The following OPCML variants were observed in gnomAD, a reference collection of about 807,000 sequenced individuals.
OPCML encodes the protein opioid binding protein/cell adhesion molecule like, also known as opioid-binding protein/cell adhesion molecule.
OPCML carries 13 observed loss-of-function variants against 37.8 expected under a neutral mutation model. The ratio of observed to expected loss-of-function variants is 0.34; its 90% CI spans 0.22 to 0.55. The LOEUF (loss-of-function observed/expected upper bound fraction) is 0.55. Among genes scored for constraint, OPCML ranks in the 20% least tolerant of loss-of-function variants. The probability of loss-of-function intolerance (pLI) is 0.91; values close to 1 mark genes in which losing one functional copy is unlikely to be tolerated. For synonymous variants in OPCML, 176 were observed against 168.8 expected (o/e 1.04, Z -0.33); for missense variants, 341 against 435.6 (o/e 0.78, Z 1.93).
chr11:133,140,757 A>C (rs62644102), intron 1 of OPCML, among the ~76,000 whole-genome samples: 40 of 62,948 alleles, frequency 6.4e-4, no homozygotes, highest in South Asian at 1.4e-3. Flanking sequence ...AGGAAGAAGA[A>C]GACGACGAAG....
chr11:133,163,166 T>C (rs1444047041), intron 1 of OPCML, among the ~76,000 whole-genome samples: 1 of 152,214 alleles, frequency 6.6e-6, no homozygotes, highest in African/African-American at 2.4e-5. Flanking sequence ...CTTACGAGCC[T>C]TGCCACTCTC....
chr11:133,261,629 C>T (rs1368972372), intron 1 of OPCML, among the ~76,000 whole-genome samples: 1 of 152,164 alleles, frequency 6.6e-6, no homozygotes, highest in African/African-American at 2.4e-5. Flanking sequence ...TGGGCTCTCA[C>T]CATTTTTGTT....
chr11:132,420,271 A>T lies in OPCML; in HGVS notation c.939T>A (p.Gly313=), dbSNP rs751096582. The T allele has an allele frequency of 6.2e-7, 1 of 1,613,858 alleles. No homozygotes were observed. The highest frequency in any genetic ancestry group is 1.7e-5 in the Admixed American group (1 of 60,014). ...TLYGPGAVID[G]VNSASRALAC... is the part of the protein sequence containing the mutation. ...CCAGTGCTCTGGAGGCCGAGTTTAC[A>T]CCATCAATGACTGCTCCAGGCCCTG... The change falls in exon 8 of 8, where the codon GGT becomes GGA. Residue 313 remains glycine, a synonymous_variant. Coordinates refer to ENST00000524381, the MANE Select transcript of OPCML (RefSeq NM_001012393.5).
chr11:132,580,941 AT>A (rs1259732167), intron 3 of OPCML, among the ~76,000 whole-genome samples: 1 of 152,128 alleles, frequency 6.6e-6, no homozygotes, highest in Non-Finnish European at 1.5e-5. Context: ...TGAGGGTAAG[AT>A]TTGATTAAAT....
chr11:133,045,261 AT>A (rs1465074406), intron 1 of OPCML, among the ~76,000 whole-genome samples: 2 of 152,246 alleles, frequency 1.3e-5, no homozygotes, highest in East Asian at 3.9e-4. Flanking sequence ...TCATGTCTGC[AT>A]TTTGTCCCCT....
In OPCML at chr11:132,687,369, CATATATATAT is replaced by C. The variant is rs56834972; in HGVS notation, c.147-30060_147-30051del. 5.4e-3 allele frequency among the ~76,000 whole-genome samples: 268 copies of C among 49,266 alleles called. 2 individuals are homozygous for C. Among genetic ancestry groups the C allele is most frequent in the Middle Eastern group, 0.014 (1 of 70 alleles). 32.3% of individuals were successfully genotyped at this position (49,266 alleles called of 152,430 possible). On this transcript the variant is annotated intron_variant, in intron 2 of 7. Coordinates refer to ENST00000524381, the MANE Select transcript of OPCML (RefSeq NM_001012393.5). ...ATATAAACTGCTCTGCCTTAAGCTACATATATATATATATATATATATATATATATATATA... is the reference window on the plus strand; with the variant it reads ...ATATAAACTGCTCTGCCTTAAGCTACATATATATATATATATATATATATA...
chr11:133,051,589 T>C (rs1425904076), intron 1 of OPCML, among the ~76,000 whole-genome samples: 1 of 152,062 alleles, frequency 6.6e-6, no homozygotes, highest in Non-Finnish European at 1.5e-5. Context: ...GGTTCACACA[T>C]CTCCCCAGCA....
At chr11:133,203,860 C>A (rs1285705031) in intron 1 of OPCML, among the ~76,000 whole-genome samples, 1 of 151,996 alleles carries the variant, frequency 6.6e-6, no homozygotes, top group Non-Finnish European at 1.5e-5. Flanking sequence ...AGATGGAGAC[C>A]ATCCTGGCTA....
At chr11:132,557,456 C>T (rs903515053) in intron 3 of OPCML, among the ~76,000 whole-genome samples, 1 of 152,188 alleles carries the variant, frequency 6.6e-6, no homozygotes, top group Non-Finnish European at 1.5e-5. Flanking sequence ...GCCCAACCCC[C>T]CTGCTCTGGA....
intron 1 of OPCML, among the ~76,000 whole-genome samples, chr11:133,207,270 A>C (rs928801693): frequency 1.3e-5 from 2 of 152,130 alleles, no homozygotes; most frequent in African/African-American, 4.8e-5. Context: ...ACTGCCCTCC[A>C]GCCTGGGCGA....
chr11:132,982,105 A>G (rs1946601269), intron 1 of OPCML, among the ~76,000 whole-genome samples: 1 of 152,064 alleles, frequency 6.6e-6, no homozygotes, highest in South Asian at 2.1e-4. Context: ...TGCTCTACTA[A>G]GATTTCCCCA....
rs147535298 is a variant in OPCML at position 133,152,371 on chromosome 11, G to T, written c.62-209361C>A. 1.9e-3 allele frequency among the ~76,000 whole-genome samples: 285 copies of T among 152,296 alleles called. 7 individuals carry two copies. In the East Asian group the frequency reaches 0.05, roughly 27 times the overall value. On this transcript the variant is annotated intron_variant, in intron 1 of 7. Coordinates refer to ENST00000524381, the MANE Select transcript of OPCML (RefSeq NM_001012393.5). ...CTGTGTGGCATTGTTTCATGTGAGT[G>T]CCCACTTCGTTATTTAAGAACTCGG...
intron 1 of OPCML, among the ~76,000 whole-genome samples, chr11:133,404,539 G>A (rs936190913): frequency 2.6e-5 from 4 of 152,180 alleles, no homozygotes; most frequent in Non-Finnish European, 4.4e-5. Flanking sequence ...AGACAGGGAA[G>A]GCTAAAGAGA....
intron 1 of OPCML, among the ~76,000 whole-genome samples, chr11:133,473,176 C>G (rs1006656269): frequency 6.6e-6 from 1 of 152,074 alleles, no homozygotes; most frequent in East Asian, 1.9e-4. Flanking sequence ...TTGACCTCCC[C>G]CTAAGGCAGG....
chr11:132,494,837 C>T (rs1283143325), intron 4 of OPCML, among the ~76,000 whole-genome samples: 1 of 152,208 alleles, frequency 6.6e-6, no homozygotes, highest in Non-Finnish European at 1.5e-5. Context: ...GGGAATGGAA[C>T]ATGACACCTG....
In OPCML at chr11:133,000,365, G is replaced by A. The variant is rs534646919; in HGVS notation, c.62-57355C>T. Among the ~76,000 whole-genome samples, 61 of 152,202 alleles carry A rather than the reference G, an allele frequency of 4.0e-4. No homozygotes were observed. In the South Asian group the frequency reaches 0.011, roughly 26 times the overall value. ...CGTCCTCAAGCGTTCAGCCTGCCTC[G>A]GCCTCTCAAAGTGCTGGGATTACAG... On this transcript the variant is annotated intron_variant, in intron 1 of 7. Coordinates refer to ENST00000524381, the MANE Select transcript of OPCML (RefSeq NM_001012393.5).
intron 3 of OPCML, among the ~76,000 whole-genome samples, chr11:132,638,163 C>CTGTATATATATATATATA (rs1940628849): frequency 7.8e-6 from 1 of 128,192 alleles, no homozygotes; most frequent in African/African-American, 2.7e-5. Flanking sequence ...TATATACAGA[C>CTGTATATATATATATATA]TATATATATA....
At chr11:132,753,616 A>C (rs1352470830) in intron 2 of OPCML, among the ~76,000 whole-genome samples, 1 of 152,186 alleles carries the variant, frequency 6.6e-6, no homozygotes, top group Admixed American at 6.5e-5. Context: ...ACAGACTTAC[A>C]TATACATATC....
intron 2 of OPCML, among the ~76,000 whole-genome samples, chr11:132,790,080 C>T (rs1937794793): frequency 6.6e-6 from 1 of 152,164 alleles, no homozygotes; most frequent in African/African-American, 2.4e-5. Flanking sequence ...ATCTAGCAAT[C>T]CCATTACTGG....
Sources: gnomAD v4.1 joint callset for allele counts (sites outside exome capture counted in the v4.1 genomes callset) on GRCh38, gnomAD v4.1.1 for gene constraint, MANE v1.5 for transcripts, NCBI Gene and HGNC (gene_info 2026-07-23, HGNC 2026-07-21) for gene names.